CEP43: variants seen among roughly 807,000 people sequenced by gnomAD.
The protein encoded by CEP43 is FGFR1 oncogene partner.
Under a neutral mutation model 52.6 loss-of-function variants are expected in CEP43, and 36 were observed. The observed-to-expected ratio is 0.68, with a 90% CI of 0.52 to 0.90. CEP43 has a LOEUF of 0.90. Ranked by LOEUF, CEP43 falls within the 40% of genes least tolerant of loss-of-function variation. The pLI, the probability that CEP43 is intolerant of heterozygous loss-of-function variation, is 0.00. For synonymous variants in CEP43, 192 were observed against 172.4 expected (o/e 1.11, Z -0.89); for missense variants, 506 against 472.8 (o/e 1.07, Z -0.65).
Position 167,041,407 on chromosome 6 carries a change from T to G in CEP43, c.*1429T>G. 1 of 1,061,312 alleles carries G rather than the reference T, an allele frequency of 9.4e-7. No individual in the cohort carries two copies. Among genetic ancestry groups the G allele is most frequent in the Non-Finnish European group, 1.1e-6 (1 of 876,708 alleles). The allele number at this position is 1,061,312 out of a possible 1,614,324, so 65.7% of individuals were successfully genotyped here. A position where few individuals can be genotyped will look rare whatever the true frequency, so the allele number is the denominator to read the frequency against. ...ACAGCCTGGGAGCCCTGTGTATTTC[T>G]GCCCTCCGTCTGTGAGCTGCTATCT... On this transcript the variant is annotated 3_prime_UTR_variant, in exon 13 of 13. Transcript: ENST00000366847.
At chr6:167,031,082 AAAAAT>A (rs1451474055) in intron 10 of CEP43, among the ~76,000 whole-genome samples, 2 of 152,148 alleles carry the variant, frequency 1.3e-5, no homozygotes, top group Admixed American at 6.5e-5. Context: ...TTAAAATTTA[AAAAAT>A]AAAATAAATT....
chr6:167,036,194 T>C (rs750882980), intron 12 of CEP43: 11 of 985,332 alleles, frequency 1.1e-5, no homozygotes, highest in Non-Finnish European at 1.2e-5. Context: ...CAGGAACTAA[T>C]ATTTGACCGG....
At chr6:167,003,478 A>G in intron 3 of CEP43, 1 of 513,668 alleles carries the variant, frequency 1.9e-6, no homozygotes. Flanking sequence ...TTAACCATTA[A>G]AAAGCGAAAC....
Position 167,000,084 on chromosome 6 carries a change from TTAGCAC to T in CEP43, c.131_136del (p.Ala44_Leu45del), listed in dbSNP as rs748451271. ...GGCTGAACTCCGAGCAGCTGTGTTT[TTAGCAC>T]TAGAGGAGCAAGAAAAAGTAGAGGT... On this transcript the variant is annotated inframe_deletion, in exon 2 of 13. Coordinates refer to ENST00000366847, the MANE Select transcript of CEP43 (RefSeq NM_007045.4). The T allele has an allele frequency of 6.2e-7, 1 of 1,613,388 alleles. No homozygotes were observed. The highest frequency in any genetic ancestry group is 2.2e-5 in the East Asian group (1 of 44,852).
At chr6:167,016,040 C>T (rs989760289) in intron 7 of CEP43, among the ~76,000 whole-genome samples, 4 of 150,654 alleles carry the variant, frequency 2.7e-5, no homozygotes, top group Non-Finnish European at 5.9e-5. Context: ...TATTCCATTT[C>T]GTTGTACCAA....
intron 5 of CEP43, among the ~76,000 whole-genome samples, chr6:167,009,821 G>T (rs1190999808): frequency 6.6e-6 from 1 of 151,916 alleles, no homozygotes; most frequent in Non-Finnish European, 1.5e-5. Flanking sequence ...GGGTAACAGA[G>T]TGAGACCCTG....
In CEP43 at chr6:167,041,865, T is replaced by C. The variant is rs568737135; in HGVS notation, c.*1887T>C. 48 of 907,198 alleles carry C rather than the reference T, an allele frequency of 5.3e-5. No homozygotes were observed. In the South Asian group the frequency reaches 5.7e-4, roughly 11 times the overall value. The allele number at this position is 907,198 out of a possible 1,614,324, so 56.2% of individuals were successfully genotyped here. On this transcript the variant is annotated 3_prime_UTR_variant, in exon 13 of 13. Transcript: ENST00000366847. ...GGGGGACAGAGTCTCACTGTGTCACTCAGACTGGAGTACAGTGATGCGATC... is the reference window on the plus strand; with the variant it reads ...GGGGGACAGAGTCTCACTGTGTCACCCAGACTGGAGTACAGTGATGCGATC...
At chr6:167,009,257 T>C (rs987974715) in intron 5 of CEP43, among the ~76,000 whole-genome samples, 1 of 151,738 alleles carries the variant, frequency 6.6e-6, no homozygotes, top group Non-Finnish European at 1.5e-5. Context: ...CCAGGTGCGG[T>C]GGCTCAAACC....
intron 8 of CEP43, among the ~76,000 whole-genome samples, chr6:167,024,129 G>A (rs183452926): frequency 4.3e-4 from 66 of 152,294 alleles, no homozygotes; most frequent in Non-Finnish European, 1.0e-4. Context: ...GTGTTTGCTG[G>A]AAAAGTGGAG....
intron 5 of CEP43, 51 bp from the exon 6 acceptor site, chr6:167,010,762 A>C (rs534812522): frequency 2.0e-4 from 177 of 906,668 alleles, no homozygotes; most frequent in African/African-American, 1.0e-3. Flanking sequence ...TAATTGGTAT[A>C]TTTGTGTTTT....
In CEP43 at chr6:167,003,174, A is replaced by ATTT; in HGVS notation, c.157-8_157-6dup. 2.1e-5 allele frequency: 20 copies of ATTT among 942,192 alleles called. No homozygotes were observed. Among genetic ancestry groups the ATTT allele is most frequent in the South Asian group, 1.1e-4 (6 of 55,190 alleles). 58.4% of individuals were successfully genotyped at this position (942,192 alleles called of 1,614,324 possible). A position where few individuals can be genotyped will look rare whatever the true frequency, so the allele number is the denominator to read the frequency against. ...TTTAGGGTAAACACATGACACTTAA[A>ATTT]TTTTTTTTTTTTTAACAGAACAAAA... On this transcript the variant is annotated intron_variant, in intron 2 of 12. Coordinates refer to ENST00000366847, the MANE Select transcript of CEP43 (RefSeq NM_007045.4).
chr6:167,001,231 A>G (rs1779728849), intron 2 of CEP43, among the ~76,000 whole-genome samples: 1 of 152,228 alleles, frequency 6.6e-6, no homozygotes, highest in East Asian at 1.9e-4. Flanking sequence ...TTAGAAGAAG[A>G]GGCTCTGTCC....
At chr6:167,033,797 C>T (rs530713365) in intron 11 of CEP43, 78 bp from the exon 12 acceptor site, 1 of 607,834 alleles carries the variant, frequency 1.6e-6, no homozygotes, top group Non-Finnish European at 2.8e-6. Context: ...AAAGAAATAT[C>T]TGAATGTTTA....
chr6:167,019,433 G>A lies in CEP43; in HGVS notation c.580-2976G>A, dbSNP rs1452601246. 2.3e-4 allele frequency among the ~76,000 whole-genome samples: 35 copies of A among 152,134 alleles called. 1 individual carries two copies. Among genetic ancestry groups the A allele is most frequent in the Non-Finnish European group, 2.9e-5 (2 of 68,032 alleles). On this transcript the variant is annotated intron_variant, in intron 7 of 12. Transcript: ENST00000366847. ...GACAAATCTTTCTCCTCTTCCTGTA[G>A]ATTTTTTTAATAGTGAAGTTTATTT... is the stretch of plus-strand genomic sequence containing the variant.
In CEP43 at chr6:167,024,848, T is replaced by C. The variant is rs971246302; in HGVS notation, c.873T>C (p.Ser291=). 6.2e-7 allele frequency: 1 copy of C among 1,613,868 alleles called. No individual in the cohort carries two copies. Among genetic ancestry groups the C allele is most frequent in the Non-Finnish European group, 8.5e-7 (1 of 1,179,884 alleles). Residue 291 remains serine (S), a synonymous_variant, in exon 9 of 13, where the codon AGT becomes AGC. Transcript: ENST00000366847. ...ASLSDAPPLK[S]GLSSLAGAPS... ...TCTCGGATGCACCCCCCTTAAAAAG[T>C]GGACTCAGCTCCCTGGCGGGAGCCC...
intron 6 of CEP43, 27 bp from the exon 7 acceptor site, chr6:167,013,481 A>T (rs1287362570): frequency 1.3e-6 from 2 of 1,580,558 alleles, no homozygotes; most frequent in Non-Finnish European, 1.7e-6. Flanking sequence ...ATTTTGTGGT[A>T]AAATCTCATT....
intron 7 of CEP43, among the ~76,000 whole-genome samples, chr6:167,018,839 T>A (rs1410516160): frequency 2.0e-5 from 3 of 152,192 alleles, no homozygotes; most frequent in Admixed American, 6.5e-5. Flanking sequence ...TCGTCTTAAC[T>A]CATGATAAGG....
At chr6:167,030,437 T>C (rs572766051) in intron 10 of CEP43, among the ~76,000 whole-genome samples, 9 of 152,342 alleles carry the variant, frequency 5.9e-5, no homozygotes, top group Admixed American at 1.3e-4. Context: ...GCCTGGTTTC[T>C]GGCAAGCACT....
chr6:167,015,364 G>C (rs1481335553), intron 7 of CEP43, among the ~76,000 whole-genome samples: 1 of 152,210 alleles, frequency 6.6e-6, no homozygotes, highest in Non-Finnish European at 1.5e-5. Context: ...TAAGCCCTTA[G>C]CTCTTTGTTC....
Sources: allele counts gnomAD v4.1 joint callset (sites outside exome capture counted in the v4.1 genomes callset), GRCh38; gene constraint gnomAD v4.1.1; transcripts MANE v1.5; gene names NCBI Gene and HGNC (gene_info 2026-07-23, HGNC 2026-07-21).